Variants in RBM44 observed in about 807,000 individuals in gnomAD.
RBM44 encodes the protein RNA-binding protein 44.
A neutral mutation model predicts 105.1 loss-of-function variants in RBM44; 66 were observed. That is an observed-to-expected ratio of 0.63 (90% CI 0.52 to 0.77). RBM44 has a LOEUF of 0.77. RBM44 is among the 30% of genes least tolerant of loss of function. The pLI is 0.00. For synonymous variants in RBM44, 365 were observed against 417.6 expected (o/e 0.87, Z 1.54); for missense variants, 1,122 against 1,207.8 (o/e 0.93, Z 1.05).
In RBM44 at chr2:237,818,997, G is replaced by A. The variant is rs560746998; in HGVS notation, c.1736+38G>A. 90 of 1,090,892 alleles carry A rather than the reference G, an allele frequency of 8.3e-5. No homozygotes were observed. In the Middle Eastern group the frequency reaches 1.2e-3, roughly 15 times the overall value. The allele number at this position is 1,090,892 out of a possible 1,614,324, so 67.6% of individuals were successfully genotyped here. ...TATATGCTTACAGATACATCTGGAAGAAAAAATCAAAATAGTATTTGCTTT... is the reference window on the plus strand; with the variant it reads ...TATATGCTTACAGATACATCTGGAAAAAAAAATCAAAATAGTATTTGCTTT... On this transcript the variant is annotated intron_variant, in intron 4 of 15. Transcript: ENST00000316997. This position sits in a 1 kb window ranked among gnomAD's most constrained non-coding sequence, Gnocchi z 4.6.
intron 7 of RBM44, 26 bp from the exon 8 acceptor site, chr2:237,821,717 T>C: frequency 6.7e-7 from 1 of 1,500,648 alleles, no homozygotes; most frequent in Non-Finnish European, 9.3e-7. Flanking sequence ...CATTAGATCA[T>C]ATTTCTTCTG....
chr2:237,838,105 C>T (rs1327885005), intron 15 of RBM44, among the ~76,000 whole-genome samples: 1 of 152,152 alleles, frequency 6.6e-6, no homozygotes, highest in African/African-American at 2.4e-5. Context: ...GCCACAGCCA[C>T]TCCAGCCTTC....
At position 237,834,105 on chromosome 2, in the gene RBM44, A is replaced by G. The variant is rs1188652812; in HGVS notation, c.2995A>G (p.Ile999Val). Reference protein sequence around the residue: ...TLNLRSFTKIIKRLAELHPEV... With the variant: ...TLNLRSFTKIVKRLAELHPEV... ...GAACCTTCGTAGCTTTACCAAGATC[A>G]TAAAGAGACTGGCTGAACTGCATCC... The change falls in exon 14 of 16, where the codon ATA becomes GTA. Residue 999 changes from isoleucine (I) to valine (V), a missense_variant. Physicochemically the swap from Ile to Val is conservative, Grantham distance 29 (BLOSUM62 3). This residue lies in a region of RBM44 where 194 missense variants were observed against 225.5 expected (regional missense o/e 0.86). Transcript: ENST00000316997. 2.5e-6 allele frequency: 4 copies of G among 1,582,482 alleles called. No homozygotes were observed. Among genetic ancestry groups the G allele is most frequent in the Admixed American group, 1.8e-5 (1 of 55,842 alleles).
At chr2:237,823,623 G>A in intron 9 of RBM44, 69 bp downstream of exon 9, 2 of 666,040 alleles carry the variant, frequency 3.0e-6, no homozygotes. Flanking sequence ...TATTGGTAGT[G>A]TTTATTCATT....
chr2:237,829,497 G>A lies in RBM44; in HGVS notation c.2881G>A (p.Asp961Asn), dbSNP rs201174428. Reference sequence around the variant, plus strand: ...GCAAGACAGTGAGGTTTTCCCTTCCGACCAGGTTAGTGTTTTTGATAGATC... The same window carrying A: ...GCAAGACAGTGAGGTTTTCCCTTCCAACCAGGTTAGTGTTTTTGATAGATC... Reference protein sequence around the residue: ...SEQDSEVFPSDQGVKKNCKQI... With the variant: ...SEQDSEVFPSNQGVKKNCKQI... Residue 961 changes from aspartate to asparagine, a missense_variant, in exon 13 of 16, where the codon GAC (aspartate) becomes AAC (asparagine). Asp to Asn is a conservative substitution (Grantham distance 23). Coordinates refer to ENST00000316997, the MANE Select transcript of RBM44 (RefSeq NM_001080504.3). The A allele has an allele frequency of 1.6e-5, 26 of 1,609,860 alleles. No homozygotes were observed. In the African/African-American group the frequency reaches 2.7e-4, roughly 17 times the overall value.
chr2:237,818,333 A>G lies in RBM44; in HGVS notation c.1414A>G (p.Thr472Ala). The part of the protein sequence containing the change: ...VTINQTVDVS[T>A]DFRACFTTSR... ...AATTAATCAGACAGTGGACGTTAGC[A>G]CTGATTTTAGGGCTTGTTTCACAAC... The change falls in exon 3 of 16, where the codon ACT becomes GCT. Residue 472 changes from threonine (T) to alanine (A), a missense_variant. Thr to Ala is a moderately conservative substitution (Grantham distance 58). Around this residue, in one of 3 missense-constraint regions of RBM44, gnomAD observed 918 missense variants for 955.3 expected, o/e 0.96. Coordinates refer to ENST00000316997, the MANE Select transcript of RBM44 (RefSeq NM_001080504.3). This position sits in a 1 kb window ranked among gnomAD's most constrained non-coding sequence, Gnocchi z 4.6. The G allele has an allele frequency of 1.9e-6, 3 of 1,613,306 alleles. No individual in the cohort carries two copies. Among genetic ancestry groups the G allele is most frequent in the South Asian group, 1.1e-5 (1 of 91,040 alleles).
At chr2:237,800,083 T>C (rs893778888) in intron 1 of RBM44, among the ~76,000 whole-genome samples, 2 of 152,204 alleles carry the variant, frequency 1.3e-5, no homozygotes, top group Admixed American at 6.5e-5. Flanking sequence ...GGCTGCACCA[T>C]GTTACATTCC....
At position 237,808,827 on chromosome 2, in the gene RBM44, T is replaced by C. The variant is rs1212698964; in HGVS notation, c.-18-4765T>C. ...AAGCTGCATGATAGGTATTCCATTA[T>C]ATTAAAACGCTATACTTTTTGATGC... On this transcript the variant is annotated intron_variant, in intron 1 of 15. Transcript: ENST00000316997. 3.3e-5 allele frequency among the ~76,000 whole-genome samples: 5 copies of C among 152,368 alleles called. No individual in the cohort carries two copies. The East Asian group carries it at 9.6e-4, about 29-fold the overall frequency.
In RBM44 at chr2:237,824,423, G is replaced by T. The variant is rs1442317230; in HGVS notation, c.2449+4G>T. 2.5e-6 allele frequency: 4 copies of T among 1,610,868 alleles called. No individual in the cohort carries two copies. The East Asian group carries it at 6.7e-5, about 27-fold the overall frequency. ...TGGAATTTGGATCTTACAGGAGGTT[G>T]GTTCTCAAGAATTTACCGAGAAATC... On this transcript the variant is annotated splice_donor_region_variant and intron_variant, in intron 10 of 15. Coordinates refer to ENST00000316997, the MANE Select transcript of RBM44 (RefSeq NM_001080504.3).
chr2:237,831,319 C>T (rs1271314218), intron 13 of RBM44, among the ~76,000 whole-genome samples: 1 of 149,726 alleles, frequency 6.7e-6, no homozygotes, highest in Non-Finnish European at 1.5e-5. Context: ...CTCATTCTGT[C>T]GCCCAGGCTG....
intron 13 of RBM44, among the ~76,000 whole-genome samples, chr2:237,833,148 G>C (rs2061919453): frequency 6.6e-6 from 1 of 152,150 alleles, no homozygotes; most frequent in Admixed American, 6.5e-5. Context: ...TCTAGGCACT[G>C]GGAAAGCAAC....
intron 15 of RBM44, among the ~76,000 whole-genome samples, chr2:237,835,285 G>A (rs2061948204): frequency 6.6e-6 from 1 of 152,042 alleles, no homozygotes; most frequent in Non-Finnish European, 1.5e-5. Context: ...ATTGAAATTA[G>A]GCCAACTGAT....
rs181711447 is a variant in RBM44, at chr2:237,831,143, G to A, written c.2886+1641G>A. Among the ~76,000 whole-genome samples, 205 of 146,586 alleles carry A rather than the reference G, an allele frequency of 1.4e-3. 2 individuals are homozygous for A. Among genetic ancestry groups the A allele is most frequent in the Non-Finnish European group, 1.3e-3 (86 of 66,898 alleles). On this transcript the variant is annotated intron_variant, in intron 13 of 15. Transcript: ENST00000316997. ...ACTCCGCTTCCACTCACAGACCTTC[G>A]CCTGTACTCCAAGTCAGGCACAGCC...
intron 15 of RBM44, among the ~76,000 whole-genome samples, chr2:237,838,723 T>A (rs2061982432): frequency 1.3e-5 from 2 of 152,170 alleles, no homozygotes; most frequent in Non-Finnish European, 2.9e-5. Flanking sequence ...TGGCTATGAT[T>A]TATTACAGCA....
chr2:237,818,289 C>G lies in RBM44; in HGVS notation c.1370C>G (p.Ala457Gly), dbSNP rs932553850. The change falls in exon 3 of 16, where the codon GCA becomes GGA. Residue 457 changes from alanine to glycine, a missense_variant. Physicochemically the swap from Ala to Gly is moderately conservative, Grantham distance 60. Around this residue, in one of 3 missense-constraint regions of RBM44, gnomAD observed 918 missense variants for 955.3 expected, o/e 0.96. Transcript: ENST00000316997. The surrounding 1 kb of genome is among the most constrained non-coding windows in gnomAD (Gnocchi z 4.6). ...GEMCTKSLTD[A>G]ASCTVTINQT... ...ATGTGTACTAAATCATTGACAGATG[C>G]AGCAAGTTGTACAGTCACAATTAAT... 2.5e-6 allele frequency: 4 copies of G among 1,613,276 alleles called. No homozygotes were observed. Among genetic ancestry groups the G allele is most frequent in the South Asian group, 1.1e-5 (1 of 91,066 alleles).
intron 8 of RBM44, among the ~76,000 whole-genome samples, chr2:237,823,122 A>T (rs1295015895): frequency 1.4e-5 from 2 of 146,476 alleles, no homozygotes; most frequent in Admixed American, 6.9e-5. Context: ...GTATATATAT[A>T]ATATATATAT....
intron 1 of RBM44, among the ~76,000 whole-genome samples, chr2:237,806,620 T>A (rs1382293707): frequency 6.6e-6 from 1 of 152,044 alleles, no homozygotes; most frequent in Non-Finnish European, 1.5e-5. Context: ...GAGACAGAGA[T>A]TGGAGTTCAG....
intron 15 of RBM44, among the ~76,000 whole-genome samples, chr2:237,837,881 G>A (rs1346747766): frequency 6.6e-6 from 1 of 151,256 alleles, no homozygotes; most frequent in African/African-American, 2.4e-5. Flanking sequence ...TAACAACAGA[G>A]GATTTGGAAT....
Position 237,817,594 on chromosome 2 carries a change from AG to A in RBM44, c.676del (p.Val226LeufsTer7). 1 of 1,612,924 alleles carries A rather than the reference AG, an allele frequency of 6.2e-7. No individual in the cohort carries two copies. The highest frequency in any genetic ancestry group is 8.5e-7 in the Non-Finnish European group (1 of 1,179,426). On this transcript the variant is annotated frameshift_variant, in exon 3 of 16. Coordinates refer to ENST00000316997, the MANE Select transcript of RBM44 (RefSeq NM_001080504.3). LOFTEE classifies it high-confidence loss of function. ...VVELGNSGYE[V>X]KCASNVEDNR... ...TTGAATTAGGAAATTCGGGTTATGA[AG>A]TTAAATGTGCTAGCAATGTAGAAGA...
Sources: allele counts gnomAD v4.1 joint callset (sites outside exome capture counted in the v4.1 genomes callset), GRCh38; gene constraint gnomAD v4.1.1; regional missense constraint gnomAD v4.1.1; non-coding constraint Gnocchi (gnomAD v3.1); transcripts MANE v1.5; gene names NCBI Gene and HGNC (gene_info 2026-07-23, HGNC 2026-07-21).